RPH3AL: variants seen among roughly 807,000 people sequenced by gnomAD.
RPH3AL encodes the protein rabphilin 3A like (without C2 domains).
RPH3AL carries 38 observed loss-of-function variants against 43.1 expected under a neutral mutation model. That is an observed-to-expected ratio of 0.88 (90% confidence interval 0.68 to 1.15). The LOEUF is 1.15. Ranked by LOEUF, RPH3AL falls within the 50% of genes most tolerant of loss-of-function variation. RPH3AL has a pLI of 0.00. For synonymous variants in RPH3AL, 189 were observed against 176.3 expected (o/e 1.07, Z -0.57); for missense variants, 462 against 423.2 (o/e 1.09, Z -0.81).
chr17:276,404 C>T (rs563984938), intron 6 of RPH3AL, among the ~76,000 whole-genome samples: 17 of 152,120 alleles, frequency 1.1e-4, no homozygotes, highest in Admixed American at 5.2e-4. Flanking sequence ...CAGGGCCTTG[C>T]TCTAAAGACC....
intron 1 of RPH3AL, among the ~76,000 whole-genome samples, chr17:351,440 C>T (rs993549154): frequency 2.0e-5 from 3 of 152,188 alleles, no homozygotes; most frequent in Non-Finnish European, 4.4e-5. Context: ...CTGTTCCCTA[C>T]AGGACTCACC....
intron 5 of RPH3AL, among the ~76,000 whole-genome samples, chr17:299,482 A>G (rs1011428088): frequency 1.3e-5 from 2 of 152,052 alleles, no homozygotes; most frequent in African/African-American, 4.8e-5. Flanking sequence ...GGGGAAATGA[A>G]CCCGCTCCCT....
intron 5 of RPH3AL, among the ~76,000 whole-genome samples, chr17:314,589 G>GTCCATTGACCTGTAGTCCCTGTGA (rs1411584971): frequency 1.3e-5 from 1 of 77,876 alleles, no homozygotes; most frequent in Non-Finnish European, 2.9e-5. Flanking sequence ...CAGTCTCTGT[G>GTCCATTGACCTGTAGTCCCTGTGA]CTCCACCTCC....
At position 298,676 on chromosome 17, in the gene RPH3AL, G is replaced by A. The variant is rs553895382; in HGVS notation, c.352-16822C>T. On this transcript the variant is annotated intron_variant, in intron 5 of 9. Transcript: ENST00000331302. ...GCCGAGATCAGGCCACTGCGCTCCA[G>A]CCTGGGTGACAAAGGGAGATGTTAT... is the stretch of plus-strand genomic sequence containing the variant. 3.7e-4 allele frequency among the ~76,000 whole-genome samples: 56 copies of A among 149,554 alleles called. No homozygotes were observed. In the South Asian group the frequency reaches 0.012, roughly 31 times the overall value.
chr17:304,690 C>A (rs1474132393), intron 5 of RPH3AL, among the ~76,000 whole-genome samples: 1 of 152,086 alleles, frequency 6.6e-6, no homozygotes, highest in Non-Finnish European at 1.5e-5. Flanking sequence ...TGGCTGGACT[C>A]CTGCAAACCT....
chr17:336,724 G>A (rs568594174), intron 1 of RPH3AL, among the ~76,000 whole-genome samples: 88 of 152,290 alleles, frequency 5.8e-4, no homozygotes, highest in African/African-American at 2.0e-3. Flanking sequence ...CCTCAAGGCC[G>A]TCCATGATCT....
intron 1 of RPH3AL, among the ~76,000 whole-genome samples, chr17:338,287 C>A (rs530594836): frequency 2.0e-5 from 3 of 152,196 alleles, no homozygotes; most frequent in Non-Finnish European, 2.9e-5. Flanking sequence ...CAGAGCAAGA[C>A]CCTGTCTCTA....
chr17:215,376 A>T lies in RPH3AL; in HGVS notation c.876+278T>A, dbSNP rs2040771281. Among the ~76,000 whole-genome samples the T allele has an allele frequency of 6.6e-6, 1 of 152,178 alleles. No individual in the cohort carries two copies. Among genetic ancestry groups the T allele is most frequent in the Non-Finnish European group, 1.5e-5 (1 of 68,042 alleles). On this transcript the variant is annotated intron_variant, in intron 9 of 9. Coordinates refer to ENST00000331302, the MANE Select transcript of RPH3AL (RefSeq NM_006987.4). The surrounding 1 kb of genome is among the most constrained non-coding windows in gnomAD (Gnocchi z 4.1). ...TGCCAAGAGAATGAAAGTTCGCCCC[A>T]GGGGAGCCCGACACGTTTTATGTAG...
chr17:271,722 A>G (rs2042467765), intron 6 of RPH3AL, among the ~76,000 whole-genome samples: 1 of 152,164 alleles, frequency 6.6e-6, no homozygotes, highest in Non-Finnish European at 1.5e-5. Flanking sequence ...AAATAGGGAC[A>G]ATTTGACTTC....
intron 6 of RPH3AL, among the ~76,000 whole-genome samples, chr17:273,096 T>TGACTTCAGGGTGAGACCCCAGCGAGGGC (rs2042546316): frequency 6.7e-5 from 1 of 14,900 alleles, no homozygotes; most frequent in African/African-American, 2.4e-4. Context: ...CCAGCGAGGG[T>TGACTTCAGGGTGAGACCCCAGCGAGGGC]GACGTCAGGG....
chr17:273,348 T>C (rs113044916), intron 6 of RPH3AL, among the ~76,000 whole-genome samples: 338 of 906 alleles, frequency 0.37, 15 homozygotes, highest in Middle Eastern at 0.5. Flanking sequence ...CCAGCGAGGG[T>C]GACGTCAGGG....
chr17:216,259 G>A (rs9903982), intron 8 of RPH3AL, among the ~76,000 whole-genome samples: 119,944 of 134,430 alleles, frequency 0.89, 54,086 homozygotes, highest in Non-Finnish European at 0.95. Context: ...CATGGCTGCA[G>A]GGCTCTGGCC....
At chr17:269,808 C>G (rs572262315) in intron 6 of RPH3AL, among the ~76,000 whole-genome samples, 1 of 152,308 alleles carries the variant, frequency 6.6e-6, no homozygotes, top group East Asian at 1.9e-4. Context: ...GAGTCAGCAG[C>G]CTCTTGGATC....
At chr17:240,853 A>T (rs2041512012) in intron 7 of RPH3AL, among the ~76,000 whole-genome samples, 1 of 151,986 alleles carries the variant, frequency 6.6e-6, no homozygotes, top group South Asian at 2.1e-4. Flanking sequence ...AGGTCAGGAG[A>T]TCGAGACCAG....
chr17:309,508 CCCCCG>C (rs2043584657), intron 5 of RPH3AL, among the ~76,000 whole-genome samples: 1 of 150,094 alleles, frequency 6.7e-6, no homozygotes, highest in Non-Finnish European at 1.5e-5. Context: ...TATGGCATGT[CCCCCG>C]CCCTGCCCAG....
At chr17:250,912 A>G (rs1331732733) in intron 6 of RPH3AL, among the ~76,000 whole-genome samples, 2 of 151,638 alleles carry the variant, frequency 1.3e-5, no homozygotes, top group Non-Finnish European at 1.5e-5. Flanking sequence ...CCATCGCTGC[A>G]GGACCTCTCA....
chr17:236,249 C>T (rs1013241630), intron 7 of RPH3AL, among the ~76,000 whole-genome samples: 7 of 152,224 alleles, frequency 4.6e-5, no homozygotes, highest in Non-Finnish European at 4.4e-5. Context: ...CTGCCATTGA[C>T]AGGGAGCTCA....
intron 9 of RPH3AL, among the ~76,000 whole-genome samples, chr17:214,471 A>G (rs1205580850): frequency 6.6e-6 from 1 of 152,234 alleles, no homozygotes; most frequent in African/African-American, 2.4e-5. Flanking sequence ...TTGAACCACA[A>G]AAATGCAATT....
At chr17:282,112 A>G (rs1012821948) in intron 5 of RPH3AL, among the ~76,000 whole-genome samples, 1 of 152,186 alleles carries the variant, frequency 6.6e-6, no homozygotes, top group African/African-American at 2.4e-5. Context: ...GCTTGCTGAC[A>G]TTCACAGCTG....
Sources: gnomAD v4.1 joint callset for allele counts (sites outside exome capture counted in the v4.1 genomes callset) on GRCh38, gnomAD v4.1.1 for gene constraint, Gnocchi (gnomAD v3.1) non-coding constraint, MANE v1.5 for transcripts, NCBI Gene and HGNC (gene_info 2026-07-23, HGNC 2026-07-21) for gene names.